The following TBC1D4 variants were observed in gnomAD, a reference collection of about 807,000 sequenced individuals.
The protein encoded by TBC1D4 is TBC1 domain family member 4.
TBC1D4 carries 121 observed loss-of-function variants against 142.5 expected under a neutral mutation model. The ratio of observed to expected loss-of-function variants is 0.85; its 90% CI spans 0.73 to 0.99. TBC1D4 has a LOEUF of 0.99. Ranked by LOEUF, TBC1D4 falls within the 50% of genes least tolerant of loss-of-function variation. The pLI, the probability that TBC1D4 is intolerant of heterozygous loss-of-function variation, is 0.00. For synonymous variants in TBC1D4, 630 were observed against 628.2 expected (o/e 1.00, Z -0.04); for missense variants, 1,475 against 1,606.6 (o/e 0.92, Z 1.40).
chr13:75,441,542 C>G (rs1487573296), intron 1 of TBC1D4, among the ~76,000 whole-genome samples: 1 of 152,104 alleles, frequency 6.6e-6, no homozygotes, highest in Non-Finnish European at 1.5e-5. Flanking sequence ...CTTAAAAGCA[C>G]TATATTTTTA....
chr13:75,286,903 C>T lies in TBC1D4; in HGVS notation c.3786G>A (p.Val1262=). Residue 1262 remains valine (V), a synonymous_variant, in exon 21 of 21, where the codon GTG becomes GTA. Coordinates refer to ENST00000377636, the MANE Select transcript of TBC1D4 (RefSeq NM_014832.5). ...CGGGCAGCAGCTTCCGGAGTTGCTC[C>T]ACTGTCTTTTGATAAGCCATTTTTT... ...EQEKMAYQKT[V]EQLRKLLPAD... 2.5e-6 allele frequency: 4 copies of T among 1,613,978 alleles called. No homozygotes were observed. The highest frequency in any genetic ancestry group is 3.4e-6 in the Non-Finnish European group (4 of 1,179,974).
intron 1 of TBC1D4, among the ~76,000 whole-genome samples, chr13:75,477,219 T>C (rs184452354): frequency 2.6e-5 from 4 of 152,334 alleles, no homozygotes; most frequent in Admixed American, 2.0e-4. Context: ...TTCTTACTAG[T>C]ATATTCTCAA....
intron 1 of TBC1D4, among the ~76,000 whole-genome samples, chr13:75,474,507 C>A (rs1593926240): frequency 6.6e-6 from 1 of 152,066 alleles, no homozygotes; most frequent in Non-Finnish European, 1.5e-5. Context: ...TGCAGTGAGC[C>A]GAGATTGCGC....
intron 13 of TBC1D4, among the ~76,000 whole-genome samples, chr13:75,311,599 T>A (rs1214294660): frequency 6.6e-6 from 1 of 152,208 alleles, no homozygotes; most frequent in Non-Finnish European, 1.5e-5. Context: ...TTCATGGCTT[T>A]TAACTGCTCC....
chr13:75,415,515 C>T (rs1239514624), intron 1 of TBC1D4, among the ~76,000 whole-genome samples: 1 of 152,232 alleles, frequency 6.6e-6, no homozygotes, highest in Non-Finnish European at 1.5e-5. Context: ...CTTGGGAACA[C>T]ATATTAAATA....
chr13:75,357,099 A>G (rs1312610279), intron 3 of TBC1D4, among the ~76,000 whole-genome samples: 1 of 152,208 alleles, frequency 6.6e-6, no homozygotes, highest in East Asian at 1.9e-4. Flanking sequence ...GTTGCTCATA[A>G]CTATCTCTGA....
intron 1 of TBC1D4, among the ~76,000 whole-genome samples, chr13:75,461,483 A>C (rs895927701): frequency 6.6e-6 from 1 of 152,202 alleles, no homozygotes; most frequent in Non-Finnish European, 1.5e-5. Context: ...AGTGCTATAA[A>C]CTTTCTAGCT....
At chr13:75,419,881 A>G (rs929941218) in intron 1 of TBC1D4, among the ~76,000 whole-genome samples, 2 of 152,216 alleles carry the variant, frequency 1.3e-5, no homozygotes, top group African/African-American at 2.4e-5. Flanking sequence ...TAGAATGCCA[A>G]ATATGACAAG....
chr13:75,448,208 A>T (rs1197252324), intron 1 of TBC1D4, among the ~76,000 whole-genome samples: 1 of 152,174 alleles, frequency 6.6e-6, no homozygotes, highest in African/African-American at 2.4e-5. Flanking sequence ...AAGTTTACTG[A>T]ATGAACGAAC....
At chr13:75,287,153 C>T (rs1874770566) in intron 20 of TBC1D4, 128 bp from the exon 21 acceptor site, 2 of 785,760 alleles carry the variant, frequency 2.5e-6, no homozygotes, top group Non-Finnish European at 4.2e-6. Context: ...CTCTGAAAAC[C>T]TACAGGAAAC....
At chr13:75,297,088 C>T (rs769644034) in intron 17 of TBC1D4, among the ~76,000 whole-genome samples, 2 of 152,164 alleles carry the variant, frequency 1.3e-5, no homozygotes, top group Non-Finnish European at 2.9e-5. Context: ...GCAAAAGGAC[C>T]TACTCTCCCA....
intron 1 of TBC1D4, among the ~76,000 whole-genome samples, chr13:75,384,331 G>A (rs976004316): frequency 2.0e-5 from 3 of 152,072 alleles, no homozygotes; most frequent in Admixed American, 2.0e-4. Context: ...AGCTACTTGG[G>A]AGGCTGAGAC....
At chr13:75,373,689 T>C (rs546699292) in intron 1 of TBC1D4, among the ~76,000 whole-genome samples, 3 of 152,280 alleles carry the variant, frequency 2.0e-5, no homozygotes, top group South Asian at 4.1e-4. Context: ...AAATTAATCC[T>C]ATGACATCTT....
At position 75,315,405 on chromosome 13, in the gene TBC1D4, T is replaced by C. The variant is rs74503771; in HGVS notation, c.2223-2507A>G. On this transcript the variant is annotated intron_variant, in intron 12 of 20. Transcript: ENST00000377636. ...ACACACACATATATATATACACACA[T>C]ATATATATATATACACACACATATA... Among the ~76,000 whole-genome samples the C allele has an allele frequency of 3.6e-3, 59 of 16,604 alleles. 1 individual carries two copies. Among genetic ancestry groups the C allele is most frequent in the South Asian group, 0.029 (1 of 34 alleles). 10.9% of individuals were successfully genotyped at this position (16,604 alleles called of 152,430 possible). A position where few individuals can be genotyped will look rare whatever the true frequency, so the allele number is the denominator to read the frequency against.
rs888595326 is a variant in TBC1D4, at chr13:75,312,808, G to T, written c.2313C>A (p.Ser771=). 6.2e-7 allele frequency: 1 copy of T among 1,614,102 alleles called. No individual in the cohort carries two copies. Among genetic ancestry groups the T allele is most frequent in the Non-Finnish European group, 8.5e-7 (1 of 1,180,038 alleles). Residue 771 remains serine, a synonymous_variant, in exon 13 of 21, where the codon TCC becomes TCA. Transcript: ENST00000377636. ...GGTSVTPRRI[S]WRQRIFLRVA... Reference sequence around the variant, plus strand: ...CCCTGAGGAAAATGCGCTGCCGCCAGGAGATCCGGCGAGGAGTGACAGAGG... The same window carrying T: ...CCCTGAGGAAAATGCGCTGCCGCCATGAGATCCGGCGAGGAGTGACAGAGG...
chr13:75,391,029 CCACCACACA>C, intron 1 of TBC1D4, among the ~76,000 whole-genome samples: 1 of 126,314 alleles, frequency 7.9e-6, no homozygotes, highest in Non-Finnish European at 1.6e-5. Flanking sequence ...ACTTATTCCC[CCACCACACA>C]CACACACACA....
intron 1 of TBC1D4, among the ~76,000 whole-genome samples, chr13:75,432,672 A>G (rs993109382): frequency 1.3e-5 from 2 of 152,198 alleles, no homozygotes; most frequent in African/African-American, 4.8e-5. Flanking sequence ...GACATAGAAG[A>G]AAGGAACTAA....
chr13:75,370,096 G>A (rs1246388409), intron 1 of TBC1D4, among the ~76,000 whole-genome samples: 1 of 152,150 alleles, frequency 6.6e-6, no homozygotes, highest in Non-Finnish European at 1.5e-5. Context: ...AAGGTCATGA[G>A]CAATATAAAT....
rs372861297 is a variant in TBC1D4 at position 75,443,883 on chromosome 13, G to A, written c.498+37387C>T. ...CAGCTACTTTGAAATCCAAGTACTG[G>A]GAATCAGAAGAAGATACAGACGTGA... On this transcript the variant is annotated intron_variant, in intron 1 of 20. Coordinates refer to ENST00000377636, the MANE Select transcript of TBC1D4 (RefSeq NM_014832.5). Among the ~76,000 whole-genome samples, 8 of 152,036 alleles carry A rather than the reference G, an allele frequency of 5.3e-5. No individual in the cohort carries two copies. In the South Asian group the frequency reaches 1.7e-3, roughly 32 times the overall value.
Sources: gnomAD v4.1 joint callset for allele counts (sites outside exome capture counted in the v4.1 genomes callset) on GRCh38, gnomAD v4.1.1 for gene constraint, MANE v1.5 for transcripts, NCBI Gene and HGNC (gene_info 2026-07-23, HGNC 2026-07-21) for gene names.